Variants in ABCA13 observed in about 807,000 individuals in gnomAD.
ABCA13 encodes the protein ATP binding cassette subfamily A member 13, also known as ATP-binding cassette sub-family A member 13.
A neutral mutation model predicts 478.7 loss-of-function variants in ABCA13; 476 were observed. The observed-to-expected ratio is 0.99, with a 90% confidence interval of 0.92 to 1.07. The LOEUF is 1.07. ABCA13 is among the 50% of genes least tolerant of loss of function. The probability of loss-of-function intolerance (pLI) is 0.00; values close to 1 mark genes in which losing one functional copy is unlikely to be tolerated. For synonymous variants in ABCA13, 2,252 were observed against 2,158.9 expected (o/e 1.04, Z -1.20); for missense variants, 6,060 against 5,910.6 (o/e 1.03, Z -0.83).
intron 57 of ABCA13, among the ~76,000 whole-genome samples, chr7:48,591,799 T>G (rs1789771136): frequency 6.6e-6 from 1 of 152,006 alleles, no homozygotes; most frequent in Non-Finnish European, 1.5e-5. Flanking sequence ...GCACTATTGA[T>G]ATTTGTATGT....
At chr7:48,611,502 G>T (rs1792021130) in intron 58 of ABCA13, among the ~76,000 whole-genome samples, 1 of 152,186 alleles carries the variant, frequency 6.6e-6, no homozygotes, top group Non-Finnish European at 1.5e-5. Flanking sequence ...AGGCTGTACA[G>T]GAAGCATGGC....
chr7:48,202,160 T>C (rs1298853090), intron 3 of ABCA13, among the ~76,000 whole-genome samples: 2 of 151,938 alleles, frequency 1.3e-5, no homozygotes, highest in Non-Finnish European at 2.9e-5. Flanking sequence ...TTCCACACAG[T>C]GGAAGGGGAC....
rs757149317 is a variant in ABCA13 at position 48,467,060 on chromosome 7, C to T, written c.12905+15C>T. 3.7e-6 allele frequency: 6 copies of T among 1,611,794 alleles called. No individual in the cohort carries two copies. The Admixed American group carries it at 8.3e-5, about 22-fold the overall frequency. On this transcript the variant is annotated intron_variant, in intron 44 of 61. Coordinates refer to ENST00000435803, the MANE Select transcript of ABCA13 (RefSeq NM_152701.5). ...AACCCACGCCAGTAAGTGTCAGGTGCTCTCTGCAAAAGTGAACACTCCCAA... is the reference window on the plus strand; with the variant it reads ...AACCCACGCCAGTAAGTGTCAGGTGTTCTCTGCAAAAGTGAACACTCCCAA...
intron 55 of ABCA13, among the ~76,000 whole-genome samples, chr7:48,552,936 C>T (rs1212200321): frequency 6.6e-6 from 1 of 151,480 alleles, no homozygotes; most frequent in Non-Finnish European, 1.5e-5. Context: ...TTCTTGTACC[C>T]ATTAATCATC....
intron 32 of ABCA13, among the ~76,000 whole-genome samples, chr7:48,368,981 G>A (rs1462973042): frequency 6.6e-6 from 1 of 151,962 alleles, no homozygotes; most frequent in South Asian, 2.1e-4. Flanking sequence ...TCTCCACACT[G>A]TTTTCCATAG....
rs554257139 is a variant in ABCA13 at position 48,576,868 on chromosome 7, A to G, written c.14355-3356A>G. Among the ~76,000 whole-genome samples the G allele has an allele frequency of 2.8e-5, 4 of 142,508 alleles. No individual in the cohort carries two copies. In the East Asian group the frequency reaches 7.7e-4, roughly 27 times the overall value. The allele number at this position is 142,508 out of a possible 152,430, so 93.5% of individuals were successfully genotyped here. On this transcript the variant is annotated intron_variant, in intron 55 of 61. Transcript: ENST00000435803. ...ACAGCTTAACAATAAAGAAATAGACATCATCCAAACTATGCTGTCAAACCA... is the reference window on the plus strand; with the variant it reads ...ACAGCTTAACAATAAAGAAATAGACGTCATCCAAACTATGCTGTCAAACCA...
chr7:48,605,197 G>T (rs1313831564), intron 58 of ABCA13, among the ~76,000 whole-genome samples: 1 of 152,152 alleles, frequency 6.6e-6, no homozygotes, highest in African/African-American at 2.4e-5. Flanking sequence ...GCCAGTCTGT[G>T]TCTTTTAATT....
At chr7:48,561,630 TA>T in intron 55 of ABCA13, among the ~76,000 whole-genome samples, 1 of 152,310 alleles carries the variant, frequency 6.6e-6, no homozygotes, top group South Asian at 2.1e-4. Flanking sequence ...ATATTTTGGA[TA>T]TTAATAGCTT....
At chr7:48,508,107 G>A (rs1014141212) in intron 50 of ABCA13, 58 bp downstream of exon 50, 2 of 1,606,308 alleles carry the variant, frequency 1.2e-6, no homozygotes, top group African/African-American at 1.3e-5. Flanking sequence ...AATAGTGCGT[G>A]TATGGAGGGA....
intron 55 of ABCA13, among the ~76,000 whole-genome samples, chr7:48,532,819 A>G (rs937927851): frequency 6.6e-6 from 1 of 151,784 alleles, no homozygotes; most frequent in Admixed American, 6.6e-5. Flanking sequence ...ATTGAATAGT[A>G]TTTTTTATTT....
chr7:48,324,771 A>G (rs2128917783), intron 27 of ABCA13, among the ~76,000 whole-genome samples: 1 of 152,304 alleles, frequency 6.6e-6, no homozygotes, highest in Admixed American at 6.5e-5. Context: ...TTGGATGCTC[A>G]CATGCATGGC....
chr7:48,465,677 TATA>T (rs1426139840), intron 43 of ABCA13, among the ~76,000 whole-genome samples: 1 of 152,130 alleles, frequency 6.6e-6, no homozygotes, highest in African/African-American at 2.4e-5. Flanking sequence ...CTCAAATATT[TATA>T]ATGTCTTACT....
At chr7:48,532,233 T>G (rs1260723741) in intron 55 of ABCA13, among the ~76,000 whole-genome samples, 1 of 152,116 alleles carries the variant, frequency 6.6e-6, no homozygotes, top group African/African-American at 2.4e-5. Context: ...GTCAAATGCT[T>G]TTTCTGCATC....
chr7:48,185,598 T>C (rs1400454208), intron 1 of ABCA13, among the ~76,000 whole-genome samples: 1 of 152,212 alleles, frequency 6.6e-6, no homozygotes, highest in East Asian at 1.9e-4. Context: ...ATTTAGCTTC[T>C]TTTTGCTGTC....
At chr7:48,558,104 T>C (rs1482778791) in intron 55 of ABCA13, among the ~76,000 whole-genome samples, 2 of 152,000 alleles carry the variant, frequency 1.3e-5, no homozygotes, top group Middle Eastern at 3.4e-3. Flanking sequence ...ATGCATTCTT[T>C]AGTATGTCAA....
chr7:48,266,764 T>C lies in ABCA13; in HGVS notation c.2006-2216T>C, dbSNP rs951847001. On this transcript the variant is annotated intron_variant, in intron 15 of 61. Transcript: ENST00000435803. ...AACTGACTCTTCTAATTGCTTTGCA[T>C]GGGAGATGAGGTCATCAATTTGATA... Among the ~76,000 whole-genome samples the C allele has an allele frequency of 2.8e-4, 43 of 151,898 alleles. 2 individuals are homozygous for C. Among genetic ancestry groups the C allele is most frequent in the African/African-American group, 9.9e-4 (41 of 41,428 alleles).
At chr7:48,626,719 T>C (rs746070241) in intron 59 of ABCA13, 17 of 985,446 alleles carry the variant, frequency 1.7e-5, no homozygotes, top group South Asian at 4.7e-5. Context: ...TGATCTGAGC[T>C]TGAGAAAAGG....
chr7:48,366,969 T>C (rs950632424), intron 31 of ABCA13, among the ~76,000 whole-genome samples: 2 of 152,176 alleles, frequency 1.3e-5, no homozygotes, highest in Admixed American at 1.3e-4. Context: ...GGCTCATTCA[T>C]GTATCACCAG....
chr7:48,171,464 G>C lies in ABCA13; in HGVS notation c.-20G>C. On this transcript the variant is annotated 5_prime_UTR_variant, in exon 1 of 62. Transcript: ENST00000435803. ...ATCCTTACAGGCTGGCTTCCTGACT[G>C]AGAGCAGGGAGCAGCAGGCATGGGG... 1 of 1,535,680 alleles carries C rather than the reference G, an allele frequency of 6.5e-7. No homozygotes were observed. Among genetic ancestry groups the C allele is most frequent in the East Asian group, 2.4e-5 (1 of 40,918 alleles).
Sources: allele counts gnomAD v4.1 joint callset (sites outside exome capture counted in the v4.1 genomes callset), GRCh38; gene constraint gnomAD v4.1.1; transcripts MANE v1.5; gene names NCBI Gene and HGNC (gene_info 2026-07-23, HGNC 2026-07-21).